GNAQ: variants seen among roughly 807,000 people sequenced by gnomAD.
GNAQ encodes guanine nucleotide-binding protein G(q) subunit alpha.
A neutral mutation model predicts 43.9 loss-of-function variants in GNAQ; 8 were observed. That is an observed-to-expected ratio of 0.18 (90% confidence interval 0.11 to 0.33). The LOEUF (loss-of-function observed/expected upper bound fraction) is 0.33. Among genes scored for constraint, GNAQ ranks in the 10% least tolerant of loss-of-function variants. The probability of loss-of-function intolerance (pLI) is 1.00; values close to 1 mark genes in which losing one functional copy is unlikely to be tolerated. For missense variants in GNAQ, 158 were observed against 450.8 expected, an observed-to-expected ratio of 0.35 and a Z score of 5.88; for synonymous variants, 155 against 170.7, an observed-to-expected ratio of 0.91 and a Z score of 0.71.
chr9:77,735,957 T>TA (rs1271028444), intron 5 of GNAQ, among the ~76,000 whole-genome samples: 2 of 152,196 alleles, frequency 1.3e-5, no homozygotes, highest in African/African-American at 2.4e-5. Flanking sequence ...TCCAAGCCCC[T>TA]AGCTGTGGCC....
At chr9:77,883,684 T>C (rs978282713) in intron 2 of GNAQ, among the ~76,000 whole-genome samples, 3 of 151,418 alleles carry the variant, frequency 2.0e-5, no homozygotes, top group African/African-American at 7.3e-5. Flanking sequence ...GTATCTATTA[T>C]AAGGCTTGGG....
At chr9:77,792,577 T>C (rs1017779118) in intron 5 of GNAQ, among the ~76,000 whole-genome samples, 2 of 152,158 alleles carry the variant, frequency 1.3e-5, no homozygotes, top group Non-Finnish European at 2.9e-5. Context: ...TTCAATTCGG[T>C]TGAACTGAAT....
intron 2 of GNAQ, among the ~76,000 whole-genome samples, chr9:77,853,796 A>AAC (rs1554720794): frequency 5.3e-5 from 8 of 151,218 alleles, no homozygotes; most frequent in South Asian, 2.1e-4. Flanking sequence ...AAAAAAAAAA[A>AAC]AAAACCCACA....
intron 1 of GNAQ, among the ~76,000 whole-genome samples, chr9:77,924,356 C>T (rs752208874): frequency 6.6e-6 from 1 of 151,978 alleles, no homozygotes; most frequent in African/African-American, 2.4e-5. Flanking sequence ...TAAAAGTATA[C>T]AAGACAAAAA....
At chr9:77,797,290 C>G (rs1031631498) in intron 4 of GNAQ, among the ~76,000 whole-genome samples, 1 of 152,218 alleles carries the variant, frequency 6.6e-6, no homozygotes, top group African/African-American at 2.4e-5. Context: ...ACCTTATCCT[C>G]CCAAAGTGCT....
chr9:77,726,974 G>C (rs1206137217), intron 6 of GNAQ, among the ~76,000 whole-genome samples: 1 of 152,162 alleles, frequency 6.6e-6, no homozygotes, highest in African/African-American at 2.4e-5. Flanking sequence ...TGTGAAAGCA[G>C]CCATAGACAG....
At chr9:78,014,365 C>T (rs901436919) in intron 1 of GNAQ, among the ~76,000 whole-genome samples, 1 of 152,148 alleles carries the variant, frequency 6.6e-6, no homozygotes, top group African/African-American at 2.4e-5. Context: ...TGGCTCACTC[C>T]TGTAATCCCA....
chr9:77,859,724 G>T (rs1028086212), intron 2 of GNAQ, among the ~76,000 whole-genome samples: 1 of 152,124 alleles, frequency 6.6e-6, no homozygotes, highest in Non-Finnish European at 1.5e-5. Context: ...CTTTTCAATG[G>T]AAGCCAAGAT....
intron 5 of GNAQ, among the ~76,000 whole-genome samples, chr9:77,749,578 C>G (rs1302712345): frequency 6.6e-6 from 1 of 152,156 alleles, no homozygotes; most frequent in African/African-American, 2.4e-5. Context: ...GTTGCTAATA[C>G]TGGGACTTGG....
At chr9:77,811,726 A>C (rs1225583720) in intron 3 of GNAQ, among the ~76,000 whole-genome samples, 2 of 152,150 alleles carry the variant, frequency 1.3e-5, no homozygotes, top group Non-Finnish European at 2.9e-5. Flanking sequence ...GTGAAGAATA[A>C]AGTAAGTAAC....
chr9:77,734,358 G>A (rs925452469), intron 5 of GNAQ, among the ~76,000 whole-genome samples: 9 of 152,070 alleles, frequency 5.9e-5, no homozygotes, highest in African/African-American at 1.9e-4. Flanking sequence ...TGTCTCTCCC[G>A]GGTGGTATTT....
intron 5 of GNAQ, among the ~76,000 whole-genome samples, chr9:77,734,643 T>C (rs542904060): frequency 1.3e-5 from 2 of 152,168 alleles, no homozygotes; most frequent in East Asian, 1.9e-4. Context: ...ACAGAAGGTG[T>C]TGAGTGACCT....
At chr9:77,892,780 A>G (rs1414932450) in intron 2 of GNAQ, among the ~76,000 whole-genome samples, 1 of 152,206 alleles carries the variant, frequency 6.6e-6, no homozygotes, top group Non-Finnish European at 1.5e-5. Context: ...GAGATTAAAA[A>G]CACTGAATGA....
At chr9:77,995,988 A>T (rs1823562693) in intron 1 of GNAQ, among the ~76,000 whole-genome samples, 2 of 152,340 alleles carry the variant, frequency 1.3e-5, no homozygotes, top group African/African-American at 2.4e-5. Flanking sequence ...CAGAAAGAAG[A>T]CTGCGTATAG....
At chr9:77,760,421 C>T (rs535334511) in intron 5 of GNAQ, among the ~76,000 whole-genome samples, 17 of 152,282 alleles carry the variant, frequency 1.1e-4, no homozygotes, top group African/African-American at 1.9e-4. Flanking sequence ...GTTGGCCGGG[C>T]TGGCCTCCAG....
Position 77,719,968 on chromosome 9 carries a change from TACCA to T in GNAQ, c.*1351_*1354del, listed in dbSNP as rs1825284905. On this transcript the variant is annotated 3_prime_UTR_variant, in exon 7 of 7. Transcript: ENST00000286548. ...GAAATTAAAGGTGTCGGAATAATACTACCAACCAATGTTCCTGGCAGACTTCATT... is the reference window on the plus strand; with the variant it reads ...GAAATTAAAGGTGTCGGAATAATACTACCAATGTTCCTGGCAGACTTCATT... 1 of 232,424 alleles carries T rather than the reference TACCA, an allele frequency of 4.3e-6. No homozygotes were observed. Among genetic ancestry groups the T allele is most frequent in the Admixed American group, 5.6e-5 (1 of 17,760 alleles). The allele number at this position is 232,424 out of a possible 1,614,324, so 14.4% of individuals were successfully genotyped here.
chr9:77,994,320 G>T (rs932424684), intron 1 of GNAQ, among the ~76,000 whole-genome samples: 1 of 152,192 alleles, frequency 6.6e-6, no homozygotes, highest in African/African-American at 2.4e-5. Flanking sequence ...GATAACAAGC[G>T]TGAGCCACCT....
intron 6 of GNAQ, among the ~76,000 whole-genome samples, chr9:77,724,609 A>G (rs890795154): frequency 2.6e-5 from 4 of 152,234 alleles, no homozygotes; most frequent in Non-Finnish European, 5.9e-5. Context: ...CCTGAGCTTC[A>G]GACAGCTGAC....
intron 5 of GNAQ, among the ~76,000 whole-genome samples, chr9:77,769,663 TC>T (rs1239883314): frequency 1.4e-5 from 2 of 143,460 alleles, no homozygotes; most frequent in Non-Finnish European, 3.0e-5. Flanking sequence ...AGACAAGAAC[TC>T]TTTTTTTTTT....
Sources: gnomAD v4.1 joint callset for allele counts (sites outside exome capture counted in the v4.1 genomes callset) on GRCh38, gnomAD v4.1.1 for gene constraint, MANE v1.5 for transcripts, NCBI Gene and HGNC (gene_info 2026-07-23, HGNC 2026-07-21) for gene names.